PCDH19: variants seen among roughly 807,000 people sequenced by gnomAD.
PCDH19 encodes protocadherin-19.
A neutral mutation model predicts 46.2 loss-of-function variants in PCDH19; 6 were observed. The ratio of observed to expected loss-of-function variants is 0.13; its 90% confidence interval spans 0.07 to 0.26. The LOEUF (loss-of-function observed/expected upper bound fraction) is 0.26, where lower values mean the gene tolerates loss of function less well. PCDH19 is among the 10% of genes least tolerant of loss of function. PCDH19 has a pLI of 1.00. For missense variants in PCDH19, 740 were observed against 972.3 expected (o/e 0.76, Z 3.18); for synonymous variants, 481 against 415.7 (o/e 1.16, Z -1.91).
At chrX:100,331,649 T>C (rs1925874371) in intron 5 of PCDH19, among the ~76,000 whole-genome samples, 1 of 111,610 alleles carries the variant, frequency 9.0e-6, no homozygotes, top group South Asian at 3.8e-4. Context: ...AGGGAGGTGA[T>C]TGGATCATGG....
At chrX:100,403,422 C>G in intron 2 of PCDH19, 102 bp downstream of exon 2, 2 of 847,795 alleles carry the variant, frequency 2.4e-6, no homozygotes, top group Non-Finnish European at 3.5e-6. Flanking sequence ...CACCCTCCTC[C>G]CTGCCCTAGC....
At chrX:100,368,433 C>T (rs1318350375) in intron 3 of PCDH19, among the ~76,000 whole-genome samples, 5 of 111,715 alleles carry the variant, frequency 4.5e-5, no homozygotes, top group Admixed American at 9.5e-5. Context: ...ATAAAACTTC[C>T]ACACTTGGTG....
At position 100,371,835 on chromosome X, in the gene PCDH19, G is replaced by A. The variant is rs773504001; in HGVS notation, c.2617-21131C>T. Among the ~76,000 whole-genome samples the A allele has an allele frequency of 9.2e-5, 8 of 86,946 alleles. 1 individual carries two copies. Among genetic ancestry groups the A allele is most frequent in the Middle Eastern group, 5.6e-3 (1 of 177 alleles). 75.5% of individuals were successfully genotyped at this position (86,946 alleles called of 115,157 possible). A position where few individuals can be genotyped will look rare whatever the true frequency, so the allele number is the denominator to read the frequency against. On this transcript the variant is annotated intron_variant, in intron 3 of 5. Coordinates refer to ENST00000373034, the MANE Select transcript of PCDH19 (RefSeq NM_001184880.2). Reference sequence around the variant, plus strand: ...AAGTGAATGAAGGTCCTTCATGGACGAGACAAATGACTATACACACACACA... The same window carrying A: ...AAGTGAATGAAGGTCCTTCATGGACAAGACAAATGACTATACACACACACA...
Position 100,402,588 on chromosome X carries a change from T to C in PCDH19, c.2552A>G (p.His851Arg). Residue 851 changes from histidine to arginine, a missense_variant, in exon 3 of 6, where the codon CAC becomes CGC. By Grantham distance (29) the His-to-Arg change is conservative (BLOSUM62 0). Transcript: ENST00000373034. ...CTGGGGCCCCTGGCTGTTGAAAGAG[T>C]GATGGTAGATGTGGTTAGCACTGGT... ...RNTSANHIYH[H>R]SFNSQGPQQP... is the part of the protein sequence containing the mutation. The C allele has an allele frequency of 8.3e-7, 1 of 1,210,315 alleles. No homozygotes were observed. Among genetic ancestry groups the C allele is most frequent in the South Asian group, 1.8e-5 (1 of 56,897 alleles).
intron 5 of PCDH19, among the ~76,000 whole-genome samples, chrX:100,326,169 AT>A (rs1401211548): frequency 8.9e-6 from 1 of 111,748 alleles, no homozygotes; most frequent in Non-Finnish European, 1.9e-5. Context: ...TTTGGTTGAG[AT>A]TTTTTTTCTA....
At chrX:100,335,817 T>C (rs759508368) in intron 5 of PCDH19, among the ~76,000 whole-genome samples, 22 of 111,957 alleles carry the variant, frequency 2.0e-4, no homozygotes, top group Non-Finnish European at 2.8e-4. Context: ...TCATGGTTTA[T>C]TCCTGCCTAG....
At chrX:100,350,564 AC>A in intron 4 of PCDH19, 81 bp downstream of exon 4, 3 of 665,428 alleles carry the variant, frequency 4.5e-6, no homozygotes, top group Non-Finnish European at 2.4e-6. Flanking sequence ...CCAAAAAAAT[AC>A]GTTTTAAAAA....
At chrX:100,363,035 G>A (rs1926938685) in intron 3 of PCDH19, among the ~76,000 whole-genome samples, 1 of 111,026 alleles carries the variant, frequency 9.0e-6, no homozygotes, top group African/African-American at 3.3e-5. Flanking sequence ...GCCGAGTGCG[G>A]TGGCTCACGC....
intron 5 of PCDH19, among the ~76,000 whole-genome samples, chrX:100,332,635 C>T (rs1372489862): frequency 3.6e-5 from 4 of 111,233 alleles, no homozygotes; most frequent in Non-Finnish European, 5.7e-5. Context: ...AAATACTCTA[C>T]AAATATTTAA....
intron 5 of PCDH19, among the ~76,000 whole-genome samples, chrX:100,339,146 A>G (rs945783796): frequency 6.2e-5 from 7 of 112,067 alleles, no homozygotes; most frequent in African/African-American, 2.3e-4. Context: ...GATCAGAGTT[A>G]GCCTGACAAA....
intron 3 of PCDH19, among the ~76,000 whole-genome samples, chrX:100,367,242 T>C (rs993387122): frequency 6.3e-5 from 7 of 111,972 alleles, no homozygotes; most frequent in African/African-American, 2.3e-4. Flanking sequence ...TCAGGCCCCA[T>C]GGGAGACGCT....
chrX:100,337,465 C>A (rs1926122593), intron 5 of PCDH19, among the ~76,000 whole-genome samples: 1 of 112,351 alleles, frequency 8.9e-6, no homozygotes, highest in Non-Finnish European at 1.9e-5. Context: ...ATAACAAGAG[C>A]TGAATACTAA....
chrX:100,321,620 TG>T (rs1925482590), intron 5 of PCDH19, among the ~76,000 whole-genome samples: 2 of 109,860 alleles, frequency 1.8e-5, no homozygotes, highest in South Asian at 7.9e-4. Flanking sequence ...TGGGATTGTT[TG>T]TTTGTTTCTC....
At chrX:100,298,196 G>A (rs1045321181) in intron 5 of PCDH19, among the ~76,000 whole-genome samples, 8 of 110,913 alleles carry the variant, frequency 7.2e-5, no homozygotes, top group African/African-American at 2.6e-4. Context: ...GCATAGCAAA[G>A]CAAGGTACTG....
intron 3 of PCDH19, among the ~76,000 whole-genome samples, chrX:100,360,726 T>C (rs1926855058): frequency 8.9e-6 from 1 of 111,880 alleles, no homozygotes; most frequent in African/African-American, 3.3e-5. Flanking sequence ...TCTGTTGAAA[T>C]TATTAGGCAC....
intron 5 of PCDH19, among the ~76,000 whole-genome samples, chrX:100,316,787 A>G (rs1462264522): frequency 8.9e-6 from 1 of 112,463 alleles, no homozygotes; most frequent in Non-Finnish European, 1.9e-5. Context: ...CAAGAAAACA[A>G]AACTGAGTCC....
chrX:100,331,297 C>T (rs1460103047), intron 5 of PCDH19, among the ~76,000 whole-genome samples: 1 of 111,918 alleles, frequency 8.9e-6, no homozygotes, highest in African/African-American at 3.2e-5. Flanking sequence ...TGAGGAACTG[C>T]TTTATATTCT....
intron 3 of PCDH19, among the ~76,000 whole-genome samples, chrX:100,399,001 G>A (rs1928102881): frequency 1.8e-5 from 2 of 111,620 alleles, no homozygotes; most frequent in Non-Finnish European, 3.8e-5. Flanking sequence ...TTACTTGTCT[G>A]TATTTCTGTA....
chrX:100,361,090 C>G (rs1216546335), intron 3 of PCDH19, among the ~76,000 whole-genome samples: 1 of 111,424 alleles, frequency 9.0e-6, no homozygotes, highest in Non-Finnish European at 1.9e-5. Context: ...CCATAATTAC[C>G]CTTCACAAAG....
Sources: gnomAD v4.1 joint callset for allele counts (sites outside exome capture counted in the v4.1 genomes callset) on GRCh38, gnomAD v4.1.1 for gene constraint, MANE v1.5 for transcripts, NCBI Gene and HGNC (gene_info 2026-07-23, HGNC 2026-07-21) for gene names.